The following TMEM94 variants were observed in gnomAD, a reference collection of about 807,000 sequenced individuals.
TMEM94 encodes transmembrane protein 94.
Under a neutral mutation model 158.6 loss-of-function variants are expected in TMEM94, and 81 were observed. The observed-to-expected ratio is 0.51, with a 90% confidence interval of 0.43 to 0.61. The LOEUF is 0.61. TMEM94 is among the 20% of genes least tolerant of loss of function. TMEM94 has a pLI of 0.00. For synonymous variants in TMEM94, 751 were observed against 730.7 expected (o/e 1.03, Z -0.45); for missense variants, 1,435 against 1,762.0 (o/e 0.81, Z 3.32).
intron 2 of TMEM94, chr17:75,476,533 G>A (rs554244828): frequency 1.9e-5 from 27 of 1,435,888 alleles, no homozygotes; most frequent in Admixed American, 2.7e-5. Flanking sequence ...GCTCTGCTGC[G>A]CCTGATTCTG....
intron 2 of TMEM94, among the ~76,000 whole-genome samples, chr17:75,477,478 G>T (rs936736709): frequency 1.6e-4 from 24 of 152,000 alleles, no homozygotes; most frequent in Non-Finnish European, 2.6e-4. Flanking sequence ...CGAACTCCTG[G>T]GCTCAAGCGA....
chr17:75,458,172 T>C (rs2049950766), intron 1 of TMEM94, among the ~76,000 whole-genome samples: 1 of 152,118 alleles, frequency 6.6e-6, no homozygotes, highest in Middle Eastern at 3.2e-3. Context: ...TGGGAACCAT[T>C]ACAGTGTCAT....
chr17:75,496,372 C>T lies in TMEM94; in HGVS notation c.3144C>T (p.Gly1048=), dbSNP rs929684334. 6.2e-7 allele frequency: 1 copy of T among 1,614,076 alleles called. No individual in the cohort carries two copies. The highest frequency in any genetic ancestry group is 1.1e-5 in the South Asian group (1 of 91,088). ...TCAGCATGGCCCAGGCCTCGGATGGCCTTTCTCCCCTGCAGCTGTCAGGGC... is the reference window on the plus strand; with the variant it reads ...TCAGCATGGCCCAGGCCTCGGATGGTCTTTCTCCCCTGCAGCTGTCAGGGC... ...TSISMAQASD[G]LSPLQLSGQL... The change falls in exon 24 of 32, where the codon GGC becomes GGT. Residue 1048 remains glycine, a synonymous_variant. Transcript: ENST00000314256.
rs2051888466 is a variant in TMEM94, at chr17:75,489,005, C to T, written c.764+95C>T. 7.5e-7 allele frequency: 1 copy of T among 1,332,098 alleles called. No homozygotes were observed. The highest frequency in any genetic ancestry group is 1.0e-6 in the Non-Finnish European group (1 of 966,512). 82.5% of individuals were successfully genotyped at this position (1,332,098 alleles called of 1,614,324 possible). On this transcript the variant is annotated intron_variant, in intron 7 of 31. Transcript: ENST00000314256. The surrounding 1 kb of genome is among the most constrained non-coding windows in gnomAD (Gnocchi z 5.0). ...AAGGGGCCCCGTTCATCTCGAGGTTCTCTTGAGGGCAGGCATCTCCTTAGG... is the reference window on the plus strand; with the variant it reads ...AAGGGGCCCCGTTCATCTCGAGGTTTTCTTGAGGGCAGGCATCTCCTTAGG...
intron 2 of TMEM94, among the ~76,000 whole-genome samples, chr17:75,483,261 A>G (rs1402720438): frequency 2.0e-5 from 3 of 152,132 alleles, no homozygotes; most frequent in Non-Finnish European, 4.4e-5. Flanking sequence ...TAAATAGGTC[A>G]TTTGACCAAC....
chr17:75,488,917 G>T lies in TMEM94; in HGVS notation c.764+7G>T. 1.3e-6 allele frequency: 2 copies of T among 1,553,788 alleles called. No individual in the cohort carries two copies. The highest frequency in any genetic ancestry group is 1.7e-6 in the Non-Finnish European group (2 of 1,147,748). On this transcript the variant is annotated splice_region_variant and intron_variant, in intron 7 of 31. Transcript: ENST00000314256. ...CTGTGATTGACAACATCAGGTAGGG[G>T]TGCTGCCCCGCCTCCTCCTGTCCCT...
At chr17:75,458,090 G>C (rs189697380) in intron 1 of TMEM94, among the ~76,000 whole-genome samples, 4 of 152,144 alleles carry the variant, frequency 2.6e-5, no homozygotes, top group African/African-American at 7.2e-5. Context: ...TATTGGGGGC[G>C]TAAATTATTT....
intron 26 of TMEM94, 87 bp from the exon 27 acceptor site, chr17:75,497,694 C>A: frequency 9.1e-7 from 1 of 1,093,066 alleles, no homozygotes; most frequent in Non-Finnish European, 1.4e-6. Flanking sequence ...CGACCTCACG[C>A]GCAAGACTCC....
rs2053141754 is a variant in TMEM94 at position 75,500,123 on chromosome 17, C to T, written c.*789C>T. On this transcript the variant is annotated 3_prime_UTR_variant, in exon 32 of 32. Transcript: ENST00000314256. ...CTGGTCTGTAAGGCCACTCCAGGGTCTGCCCACCCCCGGCGGTGGCTGGCA... is the reference window on the plus strand; with the variant it reads ...CTGGTCTGTAAGGCCACTCCAGGGTTTGCCCACCCCCGGCGGTGGCTGGCA... 2 of 152,386 alleles carry T rather than the reference C, an allele frequency of 1.3e-5. No individual in the cohort carries two copies. The highest frequency in any genetic ancestry group is 2.9e-5 in the Non-Finnish European group (2 of 68,090). 9.4% of individuals were successfully genotyped at this position (152,386 alleles called of 1,614,324 possible).
At chr17:75,460,621 C>T (rs1052706952) in intron 1 of TMEM94, among the ~76,000 whole-genome samples, 5 of 1,218 alleles carry the variant, frequency 4.1e-3, no homozygotes. Flanking sequence ...TCAGGTGATC[C>T]TTCCACCTTA....
Position 75,492,071 on chromosome 17 carries a change from A to ACCTTTCCCT in TMEM94, c.1596+171_1596+172insCCTTTCCCT. 1.3e-6 allele frequency: 1 copy of ACCTTTCCCT among 788,132 alleles called. No homozygotes were observed. Among genetic ancestry groups the ACCTTTCCCT allele is most frequent in the Non-Finnish European group, 2.0e-6 (1 of 500,622 alleles). 48.8% of individuals were successfully genotyped at this position (788,132 alleles called of 1,614,324 possible). ...GAGGCCCTCCCCAAGTCTGCTGCGA[A>ACCTTTCCCT]GTAGGTGGAGCCTCCCCCTACCCTT... On this transcript the variant is annotated intron_variant, in intron 14 of 31. Coordinates refer to ENST00000314256, the MANE Select transcript of TMEM94 (RefSeq NM_014738.6). This position sits in a 1 kb window ranked among gnomAD's most constrained non-coding sequence, Gnocchi z 4.4.
chr17:75,498,689 C>T lies in TMEM94; in HGVS notation c.3794C>T (p.Thr1265Ile), dbSNP rs2052993003. The T allele has an allele frequency of 6.3e-7, 1 of 1,586,040 alleles. No individual in the cohort carries two copies. Among genetic ancestry groups the T allele is most frequent in the Non-Finnish European group, 8.6e-7 (1 of 1,164,966 alleles). Residue 1265 changes from threonine (T) to isoleucine (I), a missense_variant, in exon 30 of 32, where the codon ACC becomes ATC. By Grantham distance (89) the Thr-to-Ile change is moderately conservative (BLOSUM62 -1). This residue lies in a region of TMEM94 where 335 missense variants were observed against 409.1 expected (regional missense o/e 0.82). Coordinates refer to ENST00000314256, the MANE Select transcript of TMEM94 (RefSeq NM_014738.6). The surrounding 1 kb of genome is among the most constrained non-coding windows in gnomAD (Gnocchi z 6.7). ...CCCCTGTGGAGAAAGAGCCCCTTGA[C>T]CAACCTCTGGTGGGCCGTGACAGTG... ...TKPLWRKSPL[T>I]NLWWAVTVPV...
Position 75,495,317 on chromosome 17 carries a change from TGGA to T in TMEM94, c.2771_2773del (p.Glu924del). 6 of 1,612,072 alleles carry T rather than the reference TGGA, an allele frequency of 3.7e-6. No individual in the cohort carries two copies. The highest frequency in any genetic ancestry group is 2.2e-5 in the East Asian group (1 of 44,846). ...GATGATGCAGAAGGGCTCCTCCTCA[TGGA>T]GGAGGAGGGCCACTCGGACCTCATC... On this transcript the variant is annotated inframe_deletion, in exon 21 of 32. Coordinates refer to ENST00000314256, the MANE Select transcript of TMEM94 (RefSeq NM_014738.6). This position sits in a 1 kb window ranked among gnomAD's most constrained non-coding sequence, Gnocchi z 5.6.
chr17:75,495,385 G>A lies in TMEM94; in HGVS notation c.2830G>A (p.Glu944Lys). ...PTDSDIPSFL[E>K]DSNRAKLPRG... Reference sequence around the variant, plus strand: ...GGACAGCGACATCCCCAGCTTCCTGGAGGACTCCAACCGGGTACGATGGCA... The same window carrying A: ...GGACAGCGACATCCCCAGCTTCCTGAAGGACTCCAACCGGGTACGATGGCA... Residue 944 changes from glutamate to lysine, a missense_variant, in exon 21 of 32, where the codon GAG becomes AAG. This residue lies in a region of TMEM94 where 1,051 missense variants were observed against 1,254.4 expected (regional missense o/e 0.84). Coordinates refer to ENST00000314256, the MANE Select transcript of TMEM94 (RefSeq NM_014738.6). This position sits in a 1 kb window ranked among gnomAD's most constrained non-coding sequence, Gnocchi z 5.6. The A allele has an allele frequency of 6.2e-7, 1 of 1,613,818 alleles. No individual in the cohort carries two copies. Among genetic ancestry groups the A allele is most frequent in the African/African-American group, 1.3e-5 (1 of 75,038 alleles).
chr17:75,470,080 A>T (rs1350652902), intron 1 of TMEM94, among the ~76,000 whole-genome samples: 2 of 152,174 alleles, frequency 1.3e-5, no homozygotes, highest in African/African-American at 2.4e-5. Flanking sequence ...TCTCAAACAA[A>T]AAAAGCCAAT....
intron 10 of TMEM94, 121 bp downstream of exon 10, chr17:75,490,471 C>G: frequency 1.7e-6 from 2 of 1,168,606 alleles, no homozygotes; most frequent in Non-Finnish European, 2.4e-6. Flanking sequence ...TCAGCCTGGG[C>G]AGCTCTCCAG....
chr17:75,490,808 A>G, intron 11 of TMEM94, 50 bp downstream of exon 11: 1 of 1,529,064 alleles, frequency 6.5e-7, no homozygotes, highest in Non-Finnish European at 9.1e-7. Context: ...TAGAGCCATA[A>G]CCCTGGGACT....
At chr17:75,480,472 C>T (rs1385277275) in intron 2 of TMEM94, among the ~76,000 whole-genome samples, 1 of 152,224 alleles carries the variant, frequency 6.6e-6, no homozygotes, top group Non-Finnish European at 1.5e-5. Context: ...TGGAGGGGAG[C>T]AGAGCGCAGC....
chr17:75,467,184 A>G (rs1218019322), intron 1 of TMEM94, among the ~76,000 whole-genome samples: 4 of 151,970 alleles, frequency 2.6e-5, no homozygotes, highest in Non-Finnish European at 5.9e-5. Flanking sequence ...CATGTTGTCC[A>G]GGTTGGTCTG....
Sources: allele counts gnomAD v4.1 joint callset (sites outside exome capture counted in the v4.1 genomes callset), GRCh38; gene constraint gnomAD v4.1.1; regional missense constraint gnomAD v4.1.1; non-coding constraint Gnocchi (gnomAD v3.1); transcripts MANE v1.5; gene names NCBI Gene and HGNC (gene_info 2026-07-23, HGNC 2026-07-21).